The following COX10 variants were observed in gnomAD, a reference collection of about 807,000 sequenced individuals.
The protein encoded by COX10 is protoheme IX farnesyltransferase, mitochondrial.
In COX10, 27 loss-of-function variants were observed where a neutral mutation model predicts 37.3. That is an observed-to-expected ratio of 0.72 (90% CI 0.53 to 1.00). COX10 has a LOEUF of 1.00. Ranked by LOEUF, COX10 falls within the 50% of genes least tolerant of loss-of-function variation. COX10 has a pLI of 0.00. For missense variants in COX10, 475 were observed against 563.2 expected (o/e 0.84, Z 1.59); for synonymous variants, 222 against 229.1 (o/e 0.97, Z 0.28).
chr17:14,090,095 G>A (rs1161623273), intron 3 of COX10, among the ~76,000 whole-genome samples: 1 of 151,746 alleles, frequency 6.6e-6, no homozygotes. Flanking sequence ...TGACACCTGG[G>A]GTCCTCTTAG....
intron 5 of COX10, among the ~76,000 whole-genome samples, chr17:14,189,107 C>T (rs1906125294): frequency 7.0e-6 from 1 of 142,246 alleles, no homozygotes; most frequent in Middle Eastern, 3.6e-3. Context: ...GAAGAAATGC[C>T]TCAGGATCTT....
At chr17:14,155,373 G>A (rs1255565656) in intron 4 of COX10, among the ~76,000 whole-genome samples, 1 of 151,318 alleles carries the variant, frequency 6.6e-6, no homozygotes, top group Non-Finnish European at 1.5e-5. Context: ...TTACAGAATT[G>A]GAGCCCAGGA....
At chr17:14,076,709 A>T in intron 2 of COX10, 26 bp from the exon 3 acceptor site, 2 of 1,612,810 alleles carry the variant, frequency 1.2e-6, no homozygotes, top group Non-Finnish European at 1.7e-6. Flanking sequence ...CCTTGGTTTT[A>T]TAGTAATGTG....
At chr17:14,168,461 G>A (rs1905356015) in intron 5 of COX10, among the ~76,000 whole-genome samples, 1 of 152,206 alleles carries the variant, frequency 6.6e-6, no homozygotes. Flanking sequence ...CTCTAGTGGG[G>A]ACTCTATATG....
rs77582841 is a variant in COX10, at chr17:14,153,285, G to C, written c.625-6592G>C. Among the ~76,000 whole-genome samples, 861 of 152,250 alleles carry C rather than the reference G, an allele frequency of 5.7e-3. 8 individuals are homozygous for C. The highest frequency in any genetic ancestry group is 0.019 in the African/African-American group (794 of 41,554). ...AAAATCACTAATTTACTCCCCAAAA[G>C]AGAAGACAAGTCTCTATTCATCTTT... On this transcript the variant is annotated intron_variant, in intron 4 of 6. Transcript: ENST00000261643.
intron 4 of COX10, among the ~76,000 whole-genome samples, chr17:14,107,740 A>T (rs1044750159): frequency 6.6e-6 from 1 of 151,994 alleles, no homozygotes; most frequent in East Asian, 1.9e-4. Flanking sequence ...TTACTCTGCT[A>T]TTAGCAAATT....
At position 14,115,384 on chromosome 17, in the gene COX10, G is replaced by A. The variant is rs561649964; in HGVS notation, c.624+13142G>A. Among the ~76,000 whole-genome samples, 6 of 152,226 alleles carry A rather than the reference G, an allele frequency of 3.9e-5. No homozygotes were observed. In the South Asian group the frequency reaches 6.2e-4, roughly 16 times the overall value. ...ATTATTAAAAAGACAAGAAATAACA[G>A]ATGTTGGAGAGGATGCAGAGAAAAG... On this transcript the variant is annotated intron_variant, in intron 4 of 6. Transcript: ENST00000261643.
Position 14,201,112 on chromosome 17 carries a change from T to G in COX10, c.929-5698T>G, listed in dbSNP as rs79049711. On this transcript the variant is annotated intron_variant, in intron 6 of 6. Transcript: ENST00000261643. ...CAGACCCAATAAAAATGGACTGCTTTAGGAGCTTGAGGCAGAGGAGATGAG... is the reference window on the plus strand; with the variant it reads ...CAGACCCAATAAAAATGGACTGCTTGAGGAGCTTGAGGCAGAGGAGATGAG... Among the ~76,000 whole-genome samples, 1,015 of 152,274 alleles carry G rather than the reference T, an allele frequency of 6.7e-3. 4 individuals carry two copies. Among genetic ancestry groups the G allele is most frequent in the Middle Eastern group, 0.01 (3 of 294 alleles).
At chr17:14,119,432 CA>C (rs1032232028) in intron 4 of COX10, among the ~76,000 whole-genome samples, 5 of 151,412 alleles carry the variant, frequency 3.3e-5, no homozygotes, top group South Asian at 2.1e-4. Flanking sequence ...CAATGGTAGG[CA>C]AAAAAAACCT....
At chr17:14,070,060 A>G (rs1311022008) in intron 1 of COX10, among the ~76,000 whole-genome samples, 3 of 152,226 alleles carry the variant, frequency 2.0e-5, no homozygotes, top group Non-Finnish European at 4.4e-5. Flanking sequence ...GTTCCAATAT[A>G]AAGGGTCATG....
chr17:14,108,195 G>A (rs565438961), intron 4 of COX10, among the ~76,000 whole-genome samples: 55 of 152,294 alleles, frequency 3.6e-4, no homozygotes, highest in African/African-American at 1.3e-3. Flanking sequence ...ATGTATGAGG[G>A]AGGGGAGAAA....
intron 4 of COX10, among the ~76,000 whole-genome samples, chr17:14,107,315 G>C (rs1004785195): frequency 6.6e-6 from 1 of 151,520 alleles, no homozygotes; most frequent in Non-Finnish European, 1.5e-5. Context: ...TTAATTACTC[G>C]TGGATAGCTA....
At chr17:14,179,029 A>C (rs1274645227) in intron 5 of COX10, among the ~76,000 whole-genome samples, 1 of 152,226 alleles carries the variant, frequency 6.6e-6, no homozygotes, top group Non-Finnish European at 1.5e-5. Context: ...GTAACTTTCT[A>C]GCTATAATCT....
At chr17:14,193,212 C>T (rs1191345169) in intron 6 of COX10, among the ~76,000 whole-genome samples, 15 of 152,228 alleles carry the variant, frequency 9.9e-5, no homozygotes, top group African/African-American at 3.4e-4. Flanking sequence ...AAGCCGGCGG[C>T]GCTGCCTGGA....
At position 14,117,444 on chromosome 17, in the gene COX10, T is replaced by C. The variant is rs565940123; in HGVS notation, c.624+15202T>C. Among the ~76,000 whole-genome samples, 3 of 152,364 alleles carry C rather than the reference T, an allele frequency of 2.0e-5. No homozygotes were observed. The South Asian group carries it at 6.2e-4, about 32-fold the overall frequency. On this transcript the variant is annotated intron_variant, in intron 4 of 6. Coordinates refer to ENST00000261643, the MANE Select transcript of COX10 (RefSeq NM_001303.4). ...GGCTTATTTTTAAATGCCACTCTTA[T>C]AATGTGCCACATTATGCTGTATTTT...
chr17:14,111,910 T>A (rs993910115), intron 4 of COX10, among the ~76,000 whole-genome samples: 1 of 152,174 alleles, frequency 6.6e-6, no homozygotes, highest in Admixed American at 6.6e-5. Context: ...CTTCTGACCT[T>A]AAGAACATAC....
chr17:14,071,612 A>G (rs1009252642), intron 1 of COX10, among the ~76,000 whole-genome samples: 1 of 151,904 alleles, frequency 6.6e-6, no homozygotes, highest in African/African-American at 2.4e-5. Context: ...GGCCGGGCGC[A>G]GTAGCTTACA....
At chr17:14,069,678 G>C (rs760600428) in intron 1 of COX10, 30 bp downstream of exon 1, 18 of 1,613,814 alleles carry the variant, frequency 1.1e-5, no homozygotes, top group Non-Finnish European at 1.5e-5. Context: ...CACGACCTTG[G>C]GGGAAATTCT....
At chr17:14,148,864 G>C (rs1417980051) in intron 4 of COX10, among the ~76,000 whole-genome samples, 2 of 150,274 alleles carry the variant, frequency 1.3e-5, no homozygotes. Flanking sequence ...AGTGTATTTT[G>C]TATCTGAGCA....
Sources: allele counts gnomAD v4.1 joint callset (sites outside exome capture counted in the v4.1 genomes callset), GRCh38; gene constraint gnomAD v4.1.1; transcripts MANE v1.5; gene names NCBI Gene and HGNC (gene_info 2026-07-23, HGNC 2026-07-21).